The following FBLN1 variants were observed in gnomAD, a reference collection of about 807,000 sequenced individuals.
FBLN1 encodes the protein fibulin-1.
FBLN1 carries 34 observed loss-of-function variants against 89.7 expected under a neutral mutation model. That is an observed-to-expected ratio of 0.38 (90% CI 0.29 to 0.50). The LOEUF (loss-of-function observed/expected upper bound fraction) is 0.50. Among genes scored for constraint, FBLN1 ranks in the 20% least tolerant of loss-of-function variants. The pLI, the probability that FBLN1 is intolerant of heterozygous loss-of-function variation, is 0.92. For synonymous variants in FBLN1, 393 were observed against 391.3 expected (o/e 1.00, Z -0.05); for missense variants, 777 against 988.1 (o/e 0.79, Z 2.86).
At chr22:45,592,969 A>G (rs1051621990) in intron 16 of FBLN1, among the ~76,000 whole-genome samples, 1 of 151,888 alleles carries the variant, frequency 6.6e-6, no homozygotes. Context: ...AGCCCTGCAC[A>G]CTCCATTACA....
intron 16 of FBLN1, among the ~76,000 whole-genome samples, chr22:45,595,059 T>G (rs2089173149): frequency 6.6e-6 from 1 of 152,176 alleles, no homozygotes; most frequent in Admixed American, 6.5e-5. Flanking sequence ...GCCACTGGCC[T>G]GGGTTCAGTC....
intron 1 of FBLN1, among the ~76,000 whole-genome samples, chr22:45,509,493 A>G (rs74764103): frequency 0.024 from 3,691 of 152,246 alleles, 60 homozygotes; most frequent in Non-Finnish European, 0.036. Flanking sequence ...AGCAGGCTCC[A>G]GTTCGCCCTG....
intron 16 of FBLN1, among the ~76,000 whole-genome samples, chr22:45,585,995 T>C (rs1327017501): frequency 6.6e-6 from 1 of 151,178 alleles, no homozygotes; most frequent in Admixed American, 6.6e-5. Flanking sequence ...CAGCAGCTCC[T>C]GGGCTCAGGC....
intron 16 of FBLN1, among the ~76,000 whole-genome samples, chr22:45,584,850 AGGCCGGCCT>A (rs1393847396): frequency 3.3e-5 from 5 of 152,250 alleles, no homozygotes; most frequent in Non-Finnish European, 5.9e-5. Flanking sequence ...TGGGCTGGTG[AGGCCGGCCT>A]GGCCGGAAGC....
At chr22:45,544,927 C>CT (rs2088607431) in intron 11 of FBLN1, among the ~76,000 whole-genome samples, 1 of 152,218 alleles carries the variant, frequency 6.6e-6, no homozygotes, top group Admixed American at 6.5e-5. Context: ...TGAGCAGACA[C>CT]TGAGAGCTTT....
In FBLN1 at chr22:45,531,870, G is replaced by A. The variant is rs2088413630; in HGVS notation, c.544+546G>A. 6.6e-6 allele frequency among the ~76,000 whole-genome samples: 1 copy of A among 152,248 alleles called. No individual in the cohort carries two copies. Among genetic ancestry groups the A allele is most frequent in the Admixed American group, 6.5e-5 (1 of 15,292 alleles). On this transcript the variant is annotated intron_variant, in intron 5 of 16. Coordinates refer to ENST00000327858, the MANE Select transcript of FBLN1 (RefSeq NM_006486.3). The surrounding 1 kb of genome is among the most constrained non-coding windows in gnomAD (Gnocchi z 4.9). ...TGAAGGTGACAGAGGCCTCCCTCAG[G>A]CTCTCAGGGGAGAGGAGGGGGCTCA...
At chr22:45,585,434 A>T (rs1246404912) in intron 16 of FBLN1, among the ~76,000 whole-genome samples, 1 of 152,234 alleles carries the variant, frequency 6.6e-6, no homozygotes, top group East Asian at 1.9e-4. Context: ...GCCCATGTGG[A>T]GAGTTTGGCC....
rs1336017510 is a variant in FBLN1 at position 45,575,648 on chromosome 22, A to G, written c.1840+995A>G. Among the ~76,000 whole-genome samples, 4 of 152,162 alleles carry G rather than the reference A, an allele frequency of 2.6e-5. No homozygotes were observed. Among genetic ancestry groups the G allele is most frequent in the Non-Finnish European group, 5.9e-5 (4 of 68,024 alleles). ...AACCCAGTCAGTGCTCCCACACCCC[A>G]GCCTGGCTCTCTAGGAAGCTCCTGG... On this transcript the variant is annotated intron_variant, in intron 15 of 16. Coordinates refer to ENST00000327858, the MANE Select transcript of FBLN1 (RefSeq NM_006486.3). This position sits in a 1 kb window ranked among gnomAD's most constrained non-coding sequence, Gnocchi z 6.3.
At chr22:45,525,488 G>T (rs772228974) in intron 2 of FBLN1, 55 bp from the exon 3 acceptor site, 4 of 1,537,536 alleles carry the variant, frequency 2.6e-6, no homozygotes, top group Non-Finnish European at 1.8e-6. Flanking sequence ...CGAGGATCTC[G>T]TGCCCTGGGC....
At chr22:45,600,255 A>G (rs374988387) in intron 16 of FBLN1, 52 bp from the exon 17 acceptor site, 11 of 1,612,010 alleles carry the variant, frequency 6.8e-6, no homozygotes, top group Non-Finnish European at 8.5e-6. Flanking sequence ...CCAGATCTCT[A>G]CGTTGCTGCA....
intron 6 of FBLN1, 91 bp downstream of exon 6, chr22:45,533,255 C>A (rs1455508984): frequency 5.1e-6 from 6 of 1,182,606 alleles, no homozygotes; most frequent in Non-Finnish European, 1.3e-6. Flanking sequence ...CTGCCTTCTA[C>A]AACCCAGACC....
intron 16 of FBLN1, among the ~76,000 whole-genome samples, chr22:45,593,788 T>C (rs2089159629): frequency 6.6e-6 from 1 of 152,236 alleles, no homozygotes; most frequent in South Asian, 2.1e-4. Context: ...CTGATTTTCC[T>C]TCTTCCTTCT....
In FBLN1 at chr22:45,583,710, A is replaced by T. The variant is rs1389633779; in HGVS notation, c.1972+6602A>T. Among the ~76,000 whole-genome samples the T allele has an allele frequency of 6.6e-6, 1 of 152,188 alleles. No homozygotes were observed. Among genetic ancestry groups the T allele is most frequent in the Non-Finnish European group, 1.5e-5 (1 of 68,030 alleles). On this transcript the variant is annotated intron_variant, in intron 16 of 16. Transcript: ENST00000327858. The surrounding 1 kb of genome is among the most constrained non-coding windows in gnomAD (Gnocchi z 4.5). ...AATCAACACAGGAAGTAACAGAAGC[A>T]GCTAGTTACTCACAGGTCCTAGAGA...
intron 16 of FBLN1, among the ~76,000 whole-genome samples, chr22:45,592,524 C>T (rs890425012): frequency 6.6e-5 from 10 of 152,090 alleles, no homozygotes; most frequent in East Asian, 3.9e-4. Flanking sequence ...GACAGGGTTT[C>T]GACATGTTGG....
intron 8 of FBLN1, among the ~76,000 whole-genome samples, chr22:45,540,932 G>A (rs561238786): frequency 6.6e-6 from 1 of 152,376 alleles, no homozygotes; most frequent in African/African-American, 2.4e-5. Context: ...GTGTGGAGTA[G>A]ATGAATGCAG....
intron 16 of FBLN1, among the ~76,000 whole-genome samples, chr22:45,592,474 C>T (rs2089147013): frequency 6.6e-6 from 1 of 152,118 alleles, no homozygotes; most frequent in Admixed American, 6.6e-5. Context: ...ATTATAGGCG[C>T]CTGCCACCAT....
rs1488668533 is a variant in FBLN1 at position 45,531,890 on chromosome 22, G to T, written c.544+566G>T. Among the ~76,000 whole-genome samples, 3 of 152,230 alleles carry T rather than the reference G, an allele frequency of 2.0e-5. No individual in the cohort carries two copies. Among genetic ancestry groups the T allele is most frequent in the African/African-American group, 7.2e-5 (3 of 41,458 alleles). ...CTCAGGCTCTCAGGGGAGAGGAGGG[G>T]GCTCAGCGTTCCCTGCCTTTGTGCC... On this transcript the variant is annotated intron_variant, in intron 5 of 16. Coordinates refer to ENST00000327858, the MANE Select transcript of FBLN1 (RefSeq NM_006486.3). The surrounding 1 kb of genome is among the most constrained non-coding windows in gnomAD (Gnocchi z 4.9).
In FBLN1 at chr22:45,545,138, G is replaced by A. The variant is rs1462904124; in HGVS notation, c.1321+1612G>A. The stretch of plus-strand genomic sequence containing the variant: ...TGGTGTGCATGATTCTCAAATCGGA[G>A]GACGGACGGTGTGAGGGGTCCTGGG... On this transcript the variant is annotated intron_variant, in intron 11 of 16. Transcript: ENST00000327858. The surrounding 1 kb of genome is among the most constrained non-coding windows in gnomAD (Gnocchi z 5.9). Among the ~76,000 whole-genome samples, 1 of 152,242 alleles carries A rather than the reference G, an allele frequency of 6.6e-6. No homozygotes were observed. Among genetic ancestry groups the A allele is most frequent in the Non-Finnish European group, 1.5e-5 (1 of 68,040 alleles).
In FBLN1 at chr22:45,597,405, C is replaced by T. The variant is rs762865055; in HGVS notation, c.1973-2902C>T. ...TCTCCTTCTCCTTCAAGCCCCAAACCTCTGAATGCCAGGAAGGGTGGTAAG... is the reference window on the plus strand; with the variant it reads ...TCTCCTTCTCCTTCAAGCCCCAAACTTCTGAATGCCAGGAAGGGTGGTAAG... On this transcript the variant is annotated intron_variant, in intron 16 of 16. Coordinates refer to ENST00000327858, the MANE Select transcript of FBLN1 (RefSeq NM_006486.3). The surrounding 1 kb of genome is among the most constrained non-coding windows in gnomAD (Gnocchi z 4.2). Among the ~76,000 whole-genome samples, 1 of 152,200 alleles carries T rather than the reference C, an allele frequency of 6.6e-6. No individual in the cohort carries two copies. The highest frequency in any genetic ancestry group is 6.5e-5 in the Admixed American group (1 of 15,278).
Sources: allele counts gnomAD v4.1 joint callset (sites outside exome capture counted in the v4.1 genomes callset), GRCh38; gene constraint gnomAD v4.1.1; non-coding constraint Gnocchi (gnomAD v3.1); transcripts MANE v1.5; gene names NCBI Gene and HGNC (gene_info 2026-07-23, HGNC 2026-07-21).